Variants in PRH1 observed in about 807,000 individuals in gnomAD.
PRH1 encodes the protein salivary acidic proline-rich phosphoprotein 1/2.
In PRH1, 7 loss-of-function variants were observed where a neutral mutation model predicts 7.9. The ratio of observed to expected loss-of-function variants is 0.89; its 90% CI spans 0.50 to 1.67. PRH1 has a LOEUF of 1.67. Among genes scored for constraint, PRH1 ranks in the 40% most tolerant of loss-of-function variants. The pLI, the probability that PRH1 is intolerant of heterozygous loss-of-function variation, is 0.00. For synonymous variants in PRH1, 45 were observed against 80.8 expected, an observed-to-expected ratio of 0.56 and a Z score of 2.38; for missense variants, 109 against 223.6, an observed-to-expected ratio of 0.49 and a Z score of 3.27.
intron 1 of PRH1, among the ~76,000 whole-genome samples, chr12:11,059,375 T>C (rs964673098): frequency 1.3e-5 from 2 of 152,228 alleles, no homozygotes; most frequent in African/African-American, 2.4e-5. Flanking sequence ...CTTGCCATTT[T>C]TGTCTTGAAC....
intron 1 of PRH1, chr12:11,091,231 A>T: frequency 9.2e-7 from 1 of 1,087,062 alleles, no homozygotes; most frequent in South Asian, 1.5e-5. Context: ...ACCAGTAAGA[A>T]ATATAAAATG....
intron 2 of PRH1, among the ~76,000 whole-genome samples, chr12:10,960,043 G>A (rs976256200): frequency 1.8e-4 from 28 of 152,170 alleles, no homozygotes; most frequent in Admixed American, 1.8e-3. Flanking sequence ...TTGGCAACAC[G>A]CACTCACTGG....
intron 1 of PRH1, among the ~76,000 whole-genome samples, chr12:11,099,381 G>GCCA (rs1555165196): frequency 2.0e-5 from 3 of 151,914 alleles, no homozygotes; most frequent in Non-Finnish European, 4.4e-5. Flanking sequence ...CCAAGATGCC[G>GCCA]AATTTGGCCC....
At chr12:10,900,013 A>T (rs960801893) in intron 2 of PRH1, among the ~76,000 whole-genome samples, 2 of 152,176 alleles carry the variant, frequency 1.3e-5, no homozygotes, top group Non-Finnish European at 2.9e-5. Context: ...AACCTACATA[A>T]ATTTTTCAAC....
chr12:10,909,840 G>A (rs1393588641), intron 2 of PRH1, among the ~76,000 whole-genome samples: 3 of 152,120 alleles, frequency 2.0e-5, no homozygotes. Context: ...TCAATTTCTT[G>A]TGGAGCTAAA....
At position 10,907,096 on chromosome 12, in the gene PRH1, A is replaced by C. The variant is rs1949815356; in HGVS notation, c.-58-22821T>G. On this transcript the variant is annotated intron_variant, in intron 2 of 3. Coordinates refer to the PRH1 transcript ENST00000539853. ...TAGAAAACAAAACAGAGTACCTACC[A>C]ACTGTTGGCCAGAATGTGAAATAAC... Among the ~76,000 whole-genome samples, 3 of 152,176 alleles carry C rather than the reference A, an allele frequency of 2.0e-5. No homozygotes were observed. In the South Asian group the frequency reaches 6.2e-4, roughly 32 times the overall value.
intron 2 of PRH1, chr12:10,932,217 CT>C: frequency 2.3e-6 from 1 of 436,098 alleles, no homozygotes; most frequent in Non-Finnish European, 4.7e-6. Context: ...TCTTCCTTGT[CT>C]TTTTCAGGAA....
chr12:11,171,567 C>T (rs554877318), upstream of PRH1: 4 of 1,232,018 alleles, frequency 3.2e-6, no homozygotes, highest in African/African-American at 1.5e-5. Context: ...TATTTAGAGC[C>T]ATGACTAAGC....
chr12:11,062,447 C>T (rs555844914), intron 1 of PRH1, among the ~76,000 whole-genome samples: 5 of 152,146 alleles, frequency 3.3e-5, no homozygotes, highest in South Asian at 2.1e-4. Context: ...CAGTGTCAAG[C>T]CAGAAATCAC....
At chr12:11,138,114 T>A (rs76083482) in intron 1 of PRH1, among the ~76,000 whole-genome samples, 1 of 152,194 alleles carries the variant, frequency 6.6e-6, no homozygotes, top group Non-Finnish European at 1.5e-5. Flanking sequence ...GCAAAAGTGA[T>A]CTCCAACAAT....
intron 2 of PRH1, among the ~76,000 whole-genome samples, chr12:10,906,537 G>T (rs1949805749): frequency 6.6e-6 from 1 of 152,186 alleles, no homozygotes; most frequent in African/African-American, 2.4e-5. Flanking sequence ...ATCTTGAATT[G>T]TAGCTCCCAT....
chr12:10,974,824 C>CT (rs1358088178), intron 1 of PRH1, among the ~76,000 whole-genome samples: 1 of 151,922 alleles, frequency 6.6e-6, no homozygotes, highest in African/African-American at 2.4e-5. Flanking sequence ...AAATAGAATT[C>CT]AGAATATGGA....
Position 11,079,899 on chromosome 12 carries a change from A to C in PRH1, n.124-32711T>G, listed in dbSNP as rs1271050569. Among the ~76,000 whole-genome samples, 6 of 118,678 alleles carry C rather than the reference A, an allele frequency of 5.1e-5. No individual in the cohort carries two copies. In the East Asian group the frequency reaches 1.2e-3, roughly 24 times the overall value. The allele number at this position is 118,678 out of a possible 152,430, so 77.9% of individuals were successfully genotyped here. A position where few individuals can be genotyped will look rare whatever the true frequency, so the allele number is the denominator to read the frequency against. On this transcript the variant is annotated intron_variant and non_coding_transcript_variant, in intron 1 of 4. Coordinates refer to the PRH1 transcript ENST00000541977. The stretch of plus-strand genomic sequence containing the variant: ...AATGAGCAGAGTAATAATAATTTTC[A>C]TGGAATCTTTCTCCTGATTAATAAT...
intron 1 of PRH1, chr12:10,997,648 A>C (rs543724403): frequency 6.2e-7 from 1 of 1,613,682 alleles, no homozygotes; most frequent in Non-Finnish European, 8.5e-7. Context: ...CTTTTAAATT[A>C]GATGAAGTTG....
In PRH1 at chr12:10,930,435, T is replaced by C. The variant is rs990797830; in HGVS notation, c.-59+43220A>G. On this transcript the variant is annotated intron_variant, in intron 2 of 3. Transcript: ENST00000539853. ...CAGTGCCCCAGAGATATAAACAGTT[T>C]TCTCCCAACCTTGATTCTGGGGACC... is the stretch of plus-strand genomic sequence containing the variant. 5.4e-6 allele frequency: 8 copies of C among 1,468,068 alleles called. No individual in the cohort carries two copies. In the African/African-American group the frequency reaches 1.0e-4, roughly 18 times the overall value. 90.9% of individuals were successfully genotyped at this position (1,468,068 alleles called of 1,614,324 possible).
chr12:11,086,657 T>C (rs1435596081), intron 1 of PRH1, among the ~76,000 whole-genome samples: 8 of 142,568 alleles, frequency 5.6e-5, no homozygotes, highest in Non-Finnish European at 9.4e-5. Context: ...CTCAGGCCTG[T>C]AATCCCAGCA....
downstream of PRH1, among the ~76,000 whole-genome samples, chr12:11,117,776 T>C (rs1278701963): frequency 6.6e-6 from 1 of 152,130 alleles, no homozygotes; most frequent in Non-Finnish European, 1.5e-5. Flanking sequence ...ACACCTACAG[T>C]GAACTCATTT....
chr12:11,125,485 T>C lies in PRH1; in HGVS notation n.40-4305A>G, dbSNP rs139061918. On this transcript the variant is annotated intron_variant and non_coding_transcript_variant, in intron 1 of 1. Coordinates refer to the PRH1 transcript ENST00000541175. ...TCACAAAATCTGGGTGATTTTATTA[T>C]AGCAGTCCAAGTAGTTATACTACAT... Among the ~76,000 whole-genome samples the C allele has an allele frequency of 2.2e-4, 33 of 152,402 alleles. No homozygotes were observed. In the East Asian group the frequency reaches 4.8e-3, roughly 22 times the overall value.
intron 1 of PRH1, among the ~76,000 whole-genome samples, chr12:11,001,983 C>T (rs1940616911): frequency 6.6e-6 from 1 of 152,086 alleles, no homozygotes; most frequent in Admixed American, 6.6e-5. Flanking sequence ...TTTATTAACA[C>T]CGCAACTAAA....
Sources: allele counts gnomAD v4.1 joint callset (sites outside exome capture counted in the v4.1 genomes callset), GRCh38; gene constraint gnomAD v4.1.1; transcripts MANE v1.5; gene names NCBI Gene and HGNC (gene_info 2026-07-23, HGNC 2026-07-21).